HECW1: variants seen among roughly 807,000 people sequenced by gnomAD.
HECW1 encodes E3 ubiquitin-protein ligase HECW1.
Under a neutral mutation model 182.3 loss-of-function variants are expected in HECW1, and 61 were observed. The ratio of observed to expected loss-of-function variants is 0.33; its 90% CI spans 0.27 to 0.41. HECW1 has a LOEUF of 0.41. Ranked by LOEUF, HECW1 falls within the 10% of genes least tolerant of loss-of-function variation. The pLI, the probability that HECW1 is intolerant of heterozygous loss-of-function variation, is 1.00. For missense variants in HECW1, 1,739 were observed against 2,108.9 expected, an observed-to-expected ratio of 0.82 and a Z score of 3.44; for synonymous variants, 859 against 832.6, an observed-to-expected ratio of 1.03 and a Z score of -0.55.
chr7:43,520,504 A>T (rs184203724), intron 24 of HECW1, among the ~76,000 whole-genome samples: 1 of 152,182 alleles, frequency 6.6e-6, no homozygotes, highest in East Asian at 1.9e-4. Context: ...TCTCATTTAC[A>T]TGGGCGCAAA....
chr7:43,297,966 C>T (rs935711735), intron 3 of HECW1, among the ~76,000 whole-genome samples: 1 of 151,938 alleles, frequency 6.6e-6, no homozygotes, highest in Non-Finnish European at 1.5e-5. Context: ...CCCAACTACT[C>T]AAAAAGCTGA....
At chr7:43,313,147 G>A (rs757491) in intron 4 of HECW1, among the ~76,000 whole-genome samples, 23,439 of 152,130 alleles carry the variant, frequency 0.15, 5,829 homozygotes, top group African/African-American at 0.53. Context: ...TGGTTAGTGC[G>A]TTTATAATAC....
intron 3 of HECW1, among the ~76,000 whole-genome samples, chr7:43,296,696 A>G (rs980865364): frequency 7.9e-5 from 12 of 152,210 alleles, no homozygotes; most frequent in African/African-American, 2.7e-4. Context: ...GAACTAATGG[A>G]AAAAAGTAAG....
At chr7:43,295,586 G>A (rs543358690) in intron 3 of HECW1, among the ~76,000 whole-genome samples, 1 of 152,310 alleles carries the variant, frequency 6.6e-6, no homozygotes, top group African/African-American at 2.4e-5. Flanking sequence ...CTAGAATGAA[G>A]ACAAGACCAG....
chr7:43,280,879 A>T lies in HECW1; in HGVS notation c.28-30884A>T, dbSNP rs552308407. Among the ~76,000 whole-genome samples, 25 of 152,326 alleles carry T rather than the reference A, an allele frequency of 1.6e-4. No individual in the cohort carries two copies. The South Asian group carries it at 5.2e-3, about 32-fold the overall frequency. On this transcript the variant is annotated intron_variant, in intron 3 of 29. Transcript: ENST00000395891. ...TGGGTTTGAGGAACAGGGAGAAGGC[A>T]GTTAAGAGAGGGGAAGTCTCCAGTT...
At chr7:43,319,197 G>C (rs781093480) in intron 4 of HECW1, among the ~76,000 whole-genome samples, 4 of 151,626 alleles carry the variant, frequency 2.6e-5, no homozygotes, top group Non-Finnish European at 5.9e-5. Flanking sequence ...ACCATCCTGG[G>C]TAACACGGTG....
At chr7:43,364,628 C>T (rs1194022229) in intron 6 of HECW1, among the ~76,000 whole-genome samples, 1 of 152,218 alleles carries the variant, frequency 6.6e-6, no homozygotes, top group Non-Finnish European at 1.5e-5. Context: ...GACAGACAGG[C>T]AAGGCCAGCA....
At position 43,456,421 on chromosome 7, in the gene HECW1, C is replaced by G; in HGVS notation, c.2625C>G (p.Ile875Met). 6.2e-7 allele frequency: 1 copy of G among 1,614,010 alleles called. No homozygotes were observed. The highest frequency in any genetic ancestry group is 1.1e-5 in the South Asian group (1 of 91,018). The change falls in exon 13 of 30, where the codon ATC becomes ATG. Residue 875 changes from isoleucine to methionine, a missense_variant. This residue lies in a region of HECW1 where 971 missense variants were observed against 1,029.1 expected (regional missense o/e 0.94). Coordinates refer to ENST00000395891, the MANE Select transcript of HECW1 (RefSeq NM_015052.5). ...TPDGMRRSGS[I>M]QQMEQLNRRY... ...ATGGCATGCGGAGATCGGGGTCCAT[C>G]CAGCAGATGGAGCAACTCAACAGGC...
chr7:43,430,097 G>A (rs2076494633), intron 8 of HECW1, among the ~76,000 whole-genome samples: 1 of 152,154 alleles, frequency 6.6e-6, no homozygotes, highest in South Asian at 2.1e-4. Flanking sequence ...ATAAATTTGT[G>A]AGTGTGCATA....
At chr7:43,508,601 C>T (rs536016898) in intron 23 of HECW1, 45 of 264,742 alleles carry the variant, frequency 1.7e-4, no homozygotes, top group African/African-American at 8.8e-4. Context: ...CACACACACA[C>T]ATGCATGCAC....
chr7:43,144,115 A>G (rs1788452030), intron 2 of HECW1, among the ~76,000 whole-genome samples: 1 of 152,176 alleles, frequency 6.6e-6, no homozygotes, highest in African/African-American at 2.4e-5. Flanking sequence ...AGTTTCTCGG[A>G]CGTTCCTTGT....
At chr7:43,115,857 C>A (rs1370321849) in intron 2 of HECW1, among the ~76,000 whole-genome samples, 1 of 152,166 alleles carries the variant, frequency 6.6e-6, no homozygotes, top group Non-Finnish European at 1.5e-5. Flanking sequence ...ATAGCACTTA[C>A]AATATTGCAG....
chr7:43,466,177 G>A (rs978765750), intron 14 of HECW1, among the ~76,000 whole-genome samples: 1 of 151,288 alleles, frequency 6.6e-6, no homozygotes, highest in African/African-American at 2.4e-5. Context: ...AAGAAGGAAG[G>A]AAGGGAGGGA....
rs1583908188 is a variant in HECW1 at position 43,194,647 on chromosome 7, A to G, written c.-31-49228A>G. On this transcript the variant is annotated intron_variant, in intron 2 of 29. Coordinates refer to ENST00000395891, the MANE Select transcript of HECW1 (RefSeq NM_015052.5). ...CCTTTAAGATGGCCAAGCTCTGTGG[A>G]TTCAACCAGGAAAATGCTTCAACAG... 4.0e-5 allele frequency among the ~76,000 whole-genome samples: 6 copies of G among 151,578 alleles called. No homozygotes were observed. The East Asian group carries it at 1.2e-3, about 29-fold the overall frequency.
intron 2 of HECW1, among the ~76,000 whole-genome samples, chr7:43,229,523 G>T (rs1184401940): frequency 2.0e-5 from 3 of 152,108 alleles, no homozygotes; most frequent in Middle Eastern, 3.4e-3. Context: ...TAACTGTTGG[G>T]TACTAGGTTT....
At chr7:43,184,272 C>T (rs1309266942) in intron 2 of HECW1, among the ~76,000 whole-genome samples, 1 of 152,162 alleles carries the variant, frequency 6.6e-6, no homozygotes, top group Non-Finnish European at 1.5e-5. Flanking sequence ...CTCGGCTTCC[C>T]AAAGTGCTGG....
rs1563132502 is a variant in HECW1 at position 43,562,992 on chromosome 7, TATTTTTTTTTCAC to T, written c.*1078_*1090del. ...ACAAACCCTTTTTTTAAAACTTTGA[TATTTTTTTTTCAC>T]ATTTTTTTTTCCTTTTCCTTTCTTA... On this transcript the variant is annotated 3_prime_UTR_variant, in exon 30 of 30. Transcript: ENST00000395891. 1 of 200,696 alleles carries T rather than the reference TATTTTTTTTTCAC, an allele frequency of 5.0e-6. No individual in the cohort carries two copies. Among genetic ancestry groups the T allele is most frequent in the Non-Finnish European group, 1.0e-5 (1 of 96,990 alleles). The allele number at this position is 200,696 out of a possible 1,614,324, so 12.4% of individuals were successfully genotyped here.
At chr7:43,489,944 G>T (rs929038367) in intron 17 of HECW1, among the ~76,000 whole-genome samples, 2 of 152,186 alleles carry the variant, frequency 1.3e-5, no homozygotes, top group Admixed American at 1.3e-4. Flanking sequence ...AATTCTGTGT[G>T]AGTGAGTTTT....
intron 6 of HECW1, among the ~76,000 whole-genome samples, chr7:43,384,937 C>G (rs1369478441): frequency 6.6e-6 from 1 of 152,112 alleles, no homozygotes; most frequent in African/African-American, 2.4e-5. Flanking sequence ...AGAATCAAAG[C>G]AGTTTCTCCC....
Sources: allele counts gnomAD v4.1 joint callset (sites outside exome capture counted in the v4.1 genomes callset), GRCh38; gene constraint gnomAD v4.1.1; regional missense constraint gnomAD v4.1.1; transcripts MANE v1.5; gene names NCBI Gene and HGNC (gene_info 2026-07-23, HGNC 2026-07-21).